Variants in MYO16 observed in about 807,000 individuals in gnomAD.
MYO16 encodes the protein unconventional myosin-XVI.
Under a neutral mutation model 205.3 loss-of-function variants are expected in MYO16, and 94 were observed. The observed-to-expected ratio is 0.46, with a 90% CI of 0.39 to 0.54. The LOEUF (loss-of-function observed/expected upper bound fraction) is 0.54, where lower values mean the gene tolerates loss of function less well. MYO16 is among the 20% of genes least tolerant of loss of function. The pLI is 0.00. For missense variants in MYO16, 2,315 were observed against 2,387.5 expected, an observed-to-expected ratio of 0.97 and a Z score of 0.63; for synonymous variants, 988 against 954.0, an observed-to-expected ratio of 1.04 and a Z score of -0.66.
chr13:109,025,447 A>G (rs554200688), intron 23 of MYO16, among the ~76,000 whole-genome samples: 1 of 152,218 alleles, frequency 6.6e-6, no homozygotes, highest in Non-Finnish European at 1.5e-5. Context: ...CATTACAGAA[A>G]TATTTTAAAG....
the MYO16 span, among the ~76,000 whole-genome samples, chr13:108,525,941 A>AT: frequency 0.67 from 97,422 of 145,538 alleles, 34,785 homozygotes; most frequent in Non-Finnish European, 0.78. Context: ...CCTAGGTCTG[A>AT]TTTTTTTTTT....
At chr13:108,595,313 T>C (rs908233061), upstream of MYO16, among the ~76,000 whole-genome samples, 2 of 152,164 alleles carry the variant, frequency 1.3e-5, no homozygotes, top group African/African-American at 4.8e-5. Context: ...GTTTAATTCA[T>C]TCCACAAAAT....
intron 34 of MYO16, among the ~76,000 whole-genome samples, chr13:109,197,394 AC>A (rs1276759626): frequency 5.3e-5 from 8 of 151,616 alleles, no homozygotes; most frequent in African/African-American, 2.4e-5. Flanking sequence ...TTGCCCATTT[AC>A]CCCCAAGGTT....
At chr13:108,501,103 T>A in the MYO16 span, among the ~76,000 whole-genome samples, 15 of 152,248 alleles carry the variant, frequency 9.9e-5, no homozygotes, top group Middle Eastern at 3.4e-3. Flanking sequence ...TTCATAGAGG[T>A]CCCTCTTCTG....
At chr13:109,012,666 T>C (rs961859942) in intron 22 of MYO16, among the ~76,000 whole-genome samples, 6 of 151,912 alleles carry the variant, frequency 3.9e-5, no homozygotes, top group African/African-American at 1.5e-4. Context: ...CTAAACCATG[T>C]GGTCAGAAGG....
At chr13:109,070,139 C>A (rs1465229197) in intron 27 of MYO16, among the ~76,000 whole-genome samples, 1 of 152,096 alleles carries the variant, frequency 6.6e-6, no homozygotes, top group East Asian at 1.9e-4. Context: ...AAACAAGGAA[C>A]AATTAATAAT....
intron 32 of MYO16, among the ~76,000 whole-genome samples, chr13:109,142,488 A>G (rs142514266): frequency 2.0e-5 from 3 of 152,170 alleles, no homozygotes; most frequent in South Asian, 4.1e-4. Context: ...AAGGAAAATC[A>G]TAATTTTCCA....
intron 31 of MYO16, among the ~76,000 whole-genome samples, chr13:109,137,452 G>T (rs1365181474): frequency 1.3e-5 from 2 of 152,178 alleles, no homozygotes; most frequent in African/African-American, 4.8e-5. Context: ...GAGCAACTCT[G>T]TAATCTTAAT....
chr13:108,735,333 T>C (rs890793671), intron 4 of MYO16, among the ~76,000 whole-genome samples: 4 of 140,928 alleles, frequency 2.8e-5, no homozygotes, highest in Non-Finnish European at 6.1e-5. Context: ...CATTGTTCAA[T>C]TCCCACCTAT....
intron 24 of MYO16, among the ~76,000 whole-genome samples, chr13:109,050,369 C>T (rs1887206075): frequency 6.6e-6 from 1 of 151,660 alleles, no homozygotes; most frequent in Non-Finnish European, 1.5e-5. Flanking sequence ...GCCAGGAGTC[C>T]CAAGAGGTAG....
chr13:109,143,233 A>C (rs1877184160), intron 32 of MYO16, among the ~76,000 whole-genome samples: 1 of 152,156 alleles, frequency 6.6e-6, no homozygotes, highest in Admixed American at 6.5e-5. Flanking sequence ...AGGTACAAAA[A>C]CTAGAACATC....
intron 16 of MYO16, among the ~76,000 whole-genome samples, chr13:108,955,828 G>A (rs1429516099): frequency 6.6e-6 from 1 of 152,170 alleles, no homozygotes; most frequent in East Asian, 1.9e-4. Flanking sequence ...TCCAGCCTGG[G>A]CAACAGAGGG....
At chr13:109,110,485 AC>A (rs1265502537) in intron 28 of MYO16, among the ~76,000 whole-genome samples, 1 of 152,226 alleles carries the variant, frequency 6.6e-6, no homozygotes, top group Non-Finnish European at 1.5e-5. Flanking sequence ...AAGCCAAACC[AC>A]CTTCTTCAAA....
chr13:109,050,231 A>G (rs1887201025), intron 24 of MYO16, among the ~76,000 whole-genome samples: 1 of 151,984 alleles, frequency 6.6e-6, no homozygotes, highest in South Asian at 2.1e-4. Context: ...TTTCCTTTAA[A>G]TCTGAGACAG....
Position 108,863,487 on chromosome 13 carries a change from A to G in MYO16, c.1360-2690A>G, listed in dbSNP as rs370842687. Among the ~76,000 whole-genome samples, 5 of 152,130 alleles carry G rather than the reference A, an allele frequency of 3.3e-5. No homozygotes were observed. In the East Asian group the frequency reaches 9.6e-4, roughly 29 times the overall value. On this transcript the variant is annotated intron_variant, in intron 11 of 34. Transcript: ENST00000457511. ...TTTTTAAGTTTTTTAAAATATTATT[A>G]GTTACAATTATTGATCTTCAATTAG...
intron 6 of MYO16, among the ~76,000 whole-genome samples, chr13:108,795,538 T>A (rs1473072991): frequency 6.6e-6 from 1 of 152,236 alleles, no homozygotes; most frequent in African/African-American, 2.4e-5. Flanking sequence ...CATACTTTCC[T>A]AAATTTTGTC....
At chr13:108,882,235 C>T (rs565834604) in intron 12 of MYO16, among the ~76,000 whole-genome samples, 2 of 152,310 alleles carry the variant, frequency 1.3e-5, no homozygotes, top group Admixed American at 1.3e-4. Flanking sequence ...ATTACTGATG[C>T]ACTGGTGTCA....
intron 1 of MYO16, among the ~76,000 whole-genome samples, chr13:108,616,948 T>A (rs1270081115): frequency 6.6e-6 from 1 of 152,096 alleles, no homozygotes; most frequent in Non-Finnish European, 1.5e-5. Flanking sequence ...TTCCCCAGTA[T>A]CCCCAAGATA....
intron 2 of MYO16, among the ~76,000 whole-genome samples, chr13:108,666,834 G>T (rs1289174360): frequency 6.6e-6 from 1 of 152,104 alleles, no homozygotes; most frequent in Non-Finnish European, 1.5e-5. Context: ...TCTTGTATGT[G>T]AATTTTTCTG....
Sources: gnomAD v4.1 joint callset for allele counts (sites outside exome capture counted in the v4.1 genomes callset) on GRCh38, gnomAD v4.1.1 for gene constraint, MANE v1.5 for transcripts, NCBI Gene and HGNC (gene_info 2026-07-23, HGNC 2026-07-21) for gene names.